The following NPAS3 variants were observed in gnomAD, a reference collection of about 807,000 sequenced individuals.
The protein encoded by NPAS3 is neuronal PAS domain-containing protein 3.
In NPAS3, 14 loss-of-function variants were observed where a neutral mutation model predicts 73.1. The observed-to-expected ratio is 0.19, with a 90% CI of 0.13 to 0.30. NPAS3 has a LOEUF of 0.30. Among genes scored for constraint, NPAS3 ranks in the 10% least tolerant of loss-of-function variants. NPAS3 has a pLI of 1.00. For synonymous variants in NPAS3, 620 were observed against 541.5 expected, an observed-to-expected ratio of 1.14 and a Z score of -2.01; for missense variants, 1,096 against 1,250.0, an observed-to-expected ratio of 0.88 and a Z score of 1.86.
chr14:33,349,270 G>C (rs1196696850), intron 3 of NPAS3, among the ~76,000 whole-genome samples: 1 of 152,156 alleles, frequency 6.6e-6, no homozygotes, highest in Non-Finnish European at 1.5e-5. Flanking sequence ...TTAAAAAACA[G>C]TTTCGTCCAG....
At chr14:33,451,926 G>A (rs1282862583) in intron 4 of NPAS3, among the ~76,000 whole-genome samples, 1 of 152,184 alleles carries the variant, frequency 6.6e-6, no homozygotes, top group East Asian at 1.9e-4. Flanking sequence ...GGCAGGGTAT[G>A]TATGGGCTTT....
At chr14:33,053,025 G>A (rs372749951) in intron 1 of NPAS3, among the ~76,000 whole-genome samples, 2 of 152,112 alleles carry the variant, frequency 1.3e-5, no homozygotes, top group South Asian at 2.1e-4. Context: ...TTTTCAACTG[G>A]GCTGTTCAGA....
chr14:33,770,793 G>C (rs546632410), intron 7 of NPAS3, among the ~76,000 whole-genome samples: 1 of 152,086 alleles, frequency 6.6e-6, no homozygotes, highest in African/African-American at 2.4e-5. Context: ...CCAGCAACTC[G>C]GGAGGCTGAG....
intron 2 of NPAS3, among the ~76,000 whole-genome samples, chr14:33,090,813 C>A (rs559653605): frequency 3.3e-5 from 5 of 152,268 alleles, no homozygotes; most frequent in Middle Eastern, 6.8e-3. Flanking sequence ...ACCACTGTGC[C>A]ATCAAACTAG....
rs116674883 is a variant in NPAS3 at position 33,504,624 on chromosome 14, T to C, written c.469-55497T>C. ...AGAAGATTTTATGAATTGATGTATT[T>C]TTCTTCAGTTCCCTATTCAGAGTTG... On this transcript the variant is annotated intron_variant, in intron 4 of 11. Transcript: ENST00000356141. Among the ~76,000 whole-genome samples, 341 of 152,116 alleles carry C rather than the reference T, an allele frequency of 2.2e-3. 1 individual carries two copies. The highest frequency in any genetic ancestry group is 8.0e-3 in the African/African-American group (331 of 41,550).
intron 2 of NPAS3, among the ~76,000 whole-genome samples, chr14:33,187,791 A>G (rs1426935246): frequency 6.6e-6 from 1 of 152,196 alleles, no homozygotes; most frequent in African/African-American, 2.4e-5. Flanking sequence ...TTAAATATTT[A>G]TGCTGGGCAG....
chr14:33,560,009 C>CAAG, intron 4 of NPAS3, 112 bp from the exon 5 acceptor site: 2 of 392,410 alleles, frequency 5.1e-6, no homozygotes, highest in Non-Finnish European at 8.8e-6. Flanking sequence ...GACTCTGTCT[C>CAAG]AAAAAAAAAA....
chr14:33,529,614 A>G (rs1279816645), intron 4 of NPAS3, among the ~76,000 whole-genome samples: 5 of 152,020 alleles, frequency 3.3e-5, no homozygotes, highest in African/African-American at 9.7e-5. Context: ...AGAGACAAGA[A>G]ATATTTTTTT....
intron 4 of NPAS3, among the ~76,000 whole-genome samples, chr14:33,464,623 A>G (rs1355284980): frequency 2.0e-5 from 3 of 152,178 alleles, no homozygotes; most frequent in African/African-American, 7.2e-5. Flanking sequence ...GCTAGTAGTC[A>G]TTTATTCCAA....
chr14:33,782,326 T>C (rs900072519), intron 9 of NPAS3, among the ~76,000 whole-genome samples: 18 of 152,272 alleles, frequency 1.2e-4, no homozygotes, highest in African/African-American at 4.3e-4. Context: ...TTACTTATGG[T>C]GTCTGTGTGG....
chr14:33,797,670 C>A, intron 11 of NPAS3, 89 bp downstream of exon 11: 1 of 1,313,450 alleles, frequency 7.6e-7, no homozygotes, highest in Non-Finnish European at 1.1e-6. Flanking sequence ...TCATCAGAGG[C>A]AAAGCAACTG....
At chr14:33,447,636 G>T (rs2049580392) in intron 4 of NPAS3, among the ~76,000 whole-genome samples, 1 of 152,158 alleles carries the variant, frequency 6.6e-6, no homozygotes, top group African/African-American at 2.4e-5. Context: ...AGAATTGGCT[G>T]GGCAAAGTGG....
At chr14:32,972,258 G>A (rs1191978157) in intron 1 of NPAS3, among the ~76,000 whole-genome samples, 1 of 152,096 alleles carries the variant, frequency 6.6e-6, no homozygotes, top group Non-Finnish European at 1.5e-5. Context: ...CTCTTGATCA[G>A]CCTGAGTTAT....
At chr14:33,244,054 T>G (rs2048297494) in intron 3 of NPAS3, among the ~76,000 whole-genome samples, 1 of 152,134 alleles carries the variant, frequency 6.6e-6, no homozygotes, top group Non-Finnish European at 1.5e-5. Context: ...CTTTGTTTGA[T>G]TTCCTATACA....
At chr14:32,968,493 G>A (rs142291172) in intron 1 of NPAS3, among the ~76,000 whole-genome samples, 404 of 152,124 alleles carry the variant, frequency 2.7e-3, no homozygotes, top group African/African-American at 8.3e-3. Flanking sequence ...GTCTTATGTC[G>A]AAATTTAACT....
At chr14:33,746,436 C>T (rs2061799642) in intron 7 of NPAS3, among the ~76,000 whole-genome samples, 1 of 151,568 alleles carries the variant, frequency 6.6e-6, no homozygotes, top group Non-Finnish European at 1.5e-5. Context: ...ATCCGCCCAC[C>T]TCGGCCTCCC....
At chr14:33,316,902 G>A (rs968142997) in intron 3 of NPAS3, among the ~76,000 whole-genome samples, 12 of 152,104 alleles carry the variant, frequency 7.9e-5, no homozygotes, top group African/African-American at 2.7e-4. Flanking sequence ...GTAAAGGACT[G>A]AGCTGTAATG....
chr14:33,095,983 T>G (rs12436519), intron 2 of NPAS3, among the ~76,000 whole-genome samples: 1 of 150,872 alleles, frequency 6.6e-6, no homozygotes, highest in Non-Finnish European at 1.5e-5. Flanking sequence ...GCCTGGCCGG[T>G]CATTCTCTGT....
At chr14:33,357,440 G>C (rs1199401546) in intron 3 of NPAS3, among the ~76,000 whole-genome samples, 1 of 152,208 alleles carries the variant, frequency 6.6e-6, no homozygotes, top group Non-Finnish European at 1.5e-5. Flanking sequence ...CGCAGGGTTT[G>C]TGGTGACACT....
Sources: gnomAD v4.1 joint callset for allele counts (sites outside exome capture counted in the v4.1 genomes callset) on GRCh38, gnomAD v4.1.1 for gene constraint, MANE v1.5 for transcripts, NCBI Gene and HGNC (gene_info 2026-07-23, HGNC 2026-07-21) for gene names.